MTRF1L: variants seen among roughly 807,000 people sequenced by gnomAD.
MTRF1L encodes mitochondrial translation release factor 1 like.
MTRF1L carries 29 observed loss-of-function variants against 40.0 expected under a neutral mutation model. That is an observed-to-expected ratio of 0.73 (90% confidence interval 0.54 to 0.99). MTRF1L has a LOEUF of 0.99. Among genes scored for constraint, MTRF1L ranks in the 50% least tolerant of loss-of-function variants. The probability of loss-of-function intolerance (pLI) is 0.00; values close to 1 mark genes in which losing one functional copy is unlikely to be tolerated. For missense variants in MTRF1L, 412 were observed against 464.5 expected, an observed-to-expected ratio of 0.89 and a Z score of 1.04; for synonymous variants, 150 against 175.8, an observed-to-expected ratio of 0.85 and a Z score of 1.16.
Position 152,999,929 on chromosome 6 carries a change from G to A in MTRF1L, c.260-1300C>T, listed in dbSNP as rs555053320. Among the ~76,000 whole-genome samples the A allele has an allele frequency of 5.9e-5, 9 of 152,178 alleles. No homozygotes were observed. The East Asian group carries it at 9.6e-4, about 16-fold the overall frequency. On this transcript the variant is annotated intron_variant, in intron 1 of 6. Coordinates refer to ENST00000367233, the MANE Select transcript of MTRF1L (RefSeq NM_019041.7). ...GAAGGAATCTGTTGGTTTTGGAATG[G>A]GCAGAAAAAGGAAAAAAAGATTAAC... is the stretch of plus-strand genomic sequence containing the variant.
chr6:152,991,419 TTA>T, intron 5 of MTRF1L, 98 bp from the exon 6 acceptor site: 1 of 1,334,548 alleles, frequency 7.5e-7, no homozygotes, highest in East Asian at 2.8e-5. Flanking sequence ...TCTTCTTCCT[TTA>T]TGAGGGGAAA....
At chr6:152,991,082 C>T in intron 6 of MTRF1L, 103 bp downstream of exon 6, 1 of 713,030 alleles carries the variant, frequency 1.4e-6, no homozygotes, top group Non-Finnish European at 2.2e-6. Context: ...TTGTTTTCAA[C>T]ACAGGTTAAA....
chr6:153,002,682 G>T lies in MTRF1L; in HGVS notation c.4C>A (p.Arg2=), dbSNP rs1176851669. 6.7e-6 allele frequency: 10 copies of T among 1,485,412 alleles called. No individual in the cohort carries two copies. The highest frequency in any genetic ancestry group is 1.4e-5 in the South Asian group (1 of 73,156). 92.0% of individuals were successfully genotyped at this position (1,485,412 alleles called of 1,614,324 possible). A position where few individuals can be genotyped will look rare whatever the true frequency, so the allele number is the denominator to read the frequency against. M[R]SRVLWGAARW... is the part of the protein sequence containing the mutation. ...GCAGCGCCCCACAGAACCCGGGACC[G>T]CATCCTTAGTCCGAGATCGCGGACC... The change falls in exon 1 of 7, where the codon CGG becomes AGG. Residue 2 remains arginine, a synonymous_variant. Transcript: ENST00000367233.
chr6:152,998,120 T>A (rs1322336210), intron 2 of MTRF1L, among the ~76,000 whole-genome samples: 1 of 142,676 alleles, frequency 7.0e-6, no homozygotes, highest in Non-Finnish European at 1.5e-5. Context: ...TCCTTTCATA[T>A]AACCTCTTCT....
intron 5 of MTRF1L, among the ~76,000 whole-genome samples, chr6:152,992,481 G>A (rs1778561826): frequency 6.6e-6 from 1 of 152,074 alleles, no homozygotes; most frequent in Non-Finnish European, 1.5e-5. Flanking sequence ...AGGAAGCCAT[G>A]TTCCCCTCCC....
rs1305485364 is a variant in MTRF1L, at chr6:152,990,093, A to G, written c.945T>C (p.Ile315=). Reference sequence around the variant, plus strand: ...TTTTCTCTGATCTTCCTTTACTTCCAATCTGTATATAGAGAAAAAGATGAG... The same window carrying G: ...TTTTCTCTGATCTTCCTTTACTTCCGATCTGTATATAGAGAAAAAGATGAG... The part of the protein sequence containing the change: ...NKRQNARKIQ[I]GSKGRSEKIR... The change falls in exon 7 of 7, where the codon ATT becomes ATC. Residue 315 remains isoleucine, a splice_region_variant and synonymous_variant. Coordinates refer to ENST00000367233, the MANE Select transcript of MTRF1L (RefSeq NM_019041.7). 1 of 1,613,650 alleles carries G rather than the reference A, an allele frequency of 6.2e-7. No homozygotes were observed. Among genetic ancestry groups the G allele is most frequent in the Non-Finnish European group, 8.5e-7 (1 of 1,179,902 alleles).
intron 5 of MTRF1L, 86 bp downstream of exon 5, chr6:152,992,771 C>T (rs954891680): frequency 1.7e-5 from 16 of 966,024 alleles, no homozygotes; most frequent in Non-Finnish European, 2.1e-5. Flanking sequence ...TCTCTGGTAA[C>T]CGAGGATCTA....
At chr6:152,991,608 G>A (rs1030169891) in intron 5 of MTRF1L, among the ~76,000 whole-genome samples, 1 of 152,100 alleles carries the variant, frequency 6.6e-6, no homozygotes. Flanking sequence ...GTGCAGTGGC[G>A]CGATCTCGGC....
At chr6:153,001,569 A>G (rs1459001608) in intron 1 of MTRF1L, among the ~76,000 whole-genome samples, 1 of 152,212 alleles carries the variant, frequency 6.6e-6, no homozygotes, top group Non-Finnish European at 1.5e-5. Flanking sequence ...AATTCGGTCC[A>G]ACTTTTATAC....
At chr6:153,002,355 G>A in intron 1 of MTRF1L, 72 bp downstream of exon 1, 1 of 1,609,030 alleles carries the variant, frequency 6.2e-7, no homozygotes, top group Non-Finnish European at 8.5e-7. Context: ...CTCGGGTAGT[G>A]TGGGCAGTGG....
chr6:153,000,021 T>C (rs537038672), intron 1 of MTRF1L, among the ~76,000 whole-genome samples: 1 of 152,344 alleles, frequency 6.6e-6, no homozygotes, highest in Admixed American at 6.5e-5. Context: ...CTGAAAATTA[T>C]TTTGGCAAGC....
chr6:153,001,329 A>G (rs748254453), intron 1 of MTRF1L, among the ~76,000 whole-genome samples: 1 of 151,804 alleles, frequency 6.6e-6, no homozygotes, highest in Non-Finnish European at 1.5e-5. Context: ...GCCTTGTTAG[A>G]CTTGTTTCTA....
rs1049903522 is a variant in MTRF1L, at chr6:152,992,726, C to A, written c.805+131G>T. The A allele has an allele frequency of 5.8e-6, 4 of 684,784 alleles. No individual in the cohort carries two copies. The African/African-American group carries it at 7.2e-5, about 12-fold the overall frequency. The allele number at this position is 684,784 out of a possible 1,614,324, so 42.4% of individuals were successfully genotyped here. ...TATCAGGTAAGGATTCTAAGTAAAT[C>A]AAATATTTAATAACAATCCTTAGAA... On this transcript the variant is annotated intron_variant, in intron 5 of 6. Coordinates refer to ENST00000367233, the MANE Select transcript of MTRF1L (RefSeq NM_019041.7).
chr6:152,990,319 T>C, intron 6 of MTRF1L: 1 of 650,360 alleles, frequency 1.5e-6, no homozygotes, highest in South Asian at 2.1e-5. Flanking sequence ...GCCACTTCAA[T>C]GTTCTATGAC....
At chr6:152,990,224 C>G in intron 6 of MTRF1L, 129 bp from the exon 7 acceptor site, 1 of 1,253,504 alleles carries the variant, frequency 8.0e-7, no homozygotes, top group East Asian at 2.5e-5. Flanking sequence ...GTTTTAAACA[C>G]TTAGAATCTC....
At chr6:152,993,381 CTGTTT>C (rs1391103875) in intron 4 of MTRF1L, among the ~76,000 whole-genome samples, 2 of 150,118 alleles carry the variant, frequency 1.3e-5, no homozygotes, top group African/African-American at 4.9e-5. Context: ...TGGGAAGGGT[CTGTTT>C]TGTTTTATTT....
At position 152,989,699 on chromosome 6, in the gene MTRF1L, G is replaced by A. The variant is rs1778431510; in HGVS notation, c.*196C>T. On this transcript the variant is annotated 3_prime_UTR_variant, in exon 7 of 7. Coordinates refer to ENST00000367233, the MANE Select transcript of MTRF1L (RefSeq NM_019041.7). Reference sequence around the variant, plus strand: ...GGAATTAACCACAATGTAAATCGAGGACCATCTGTATATTGTATGATTTTT... The same window carrying A: ...GGAATTAACCACAATGTAAATCGAGAACCATCTGTATATTGTATGATTTTT... The A allele has an allele frequency of 1.7e-6, 1 of 590,874 alleles. No individual in the cohort carries two copies. Among genetic ancestry groups the A allele is most frequent in the Admixed American group, 3.7e-5 (1 of 27,096 alleles). 36.6% of individuals were successfully genotyped at this position (590,874 alleles called of 1,614,324 possible).
intron 4 of MTRF1L, among the ~76,000 whole-genome samples, chr6:152,993,583 AAG>A (rs1351310459): frequency 1.3e-5 from 2 of 152,184 alleles, no homozygotes; most frequent in Non-Finnish European, 2.9e-5. Context: ...TGCTGACAGT[AAG>A]AATCCTACCA....
chr6:152,995,421 C>T (rs1778684297), intron 2 of MTRF1L, 102 bp from the exon 3 acceptor site: 2 of 1,085,594 alleles, frequency 1.8e-6, no homozygotes, highest in African/African-American at 1.6e-5. Context: ...TAAGTTTCGC[C>T]AAGCAAATAA....
Sources: gnomAD v4.1 joint callset for allele counts (sites outside exome capture counted in the v4.1 genomes callset) on GRCh38, gnomAD v4.1.1 for gene constraint, MANE v1.5 for transcripts, NCBI Gene and HGNC (gene_info 2026-07-23, HGNC 2026-07-21) for gene names.